Variants in MAN2A1 observed in about 807,000 individuals in gnomAD.
MAN2A1 encodes the protein alpha-mannosidase 2.
MAN2A1 carries 76 observed loss-of-function variants against 142.6 expected under a neutral mutation model. The observed-to-expected ratio is 0.53, with a 90% CI of 0.44 to 0.65. The LOEUF is 0.65. Among genes scored for constraint, MAN2A1 ranks in the 30% least tolerant of loss-of-function variants. The pLI, the probability that MAN2A1 is intolerant of heterozygous loss-of-function variation, is 0.00. For missense variants in MAN2A1, 1,311 were observed against 1,365.1 expected (o/e 0.96, Z 0.62); for synonymous variants, 559 against 473.2 (o/e 1.18, Z -2.35).
Position 109,845,947 on chromosome 5 carries a change from C to T in MAN2A1, c.2783C>T (p.Ala928Val), listed in dbSNP as rs138853184. The T allele has an allele frequency of 2.8e-4, 457 of 1,612,880 alleles. No homozygotes were observed. The highest frequency in any genetic ancestry group is 3.7e-4 in the Non-Finnish European group (432 of 1,179,078). The change falls in exon 18 of 22, where the codon GCC (alanine) becomes GTC (valine). Residue 928 changes from alanine to valine, a missense_variant. Transcript: ENST00000261483. ...PMTTMAYIQD[A>V]KHRLTLLSAQ... The stretch of plus-strand genomic sequence containing the variant: ...ACCACAATGGCCTATATCCAGGATG[C>T]CAAACATCGTTTGACACTGCTCTCT...
chr5:109,843,102 G>T (rs182156592), intron 17 of MAN2A1, among the ~76,000 whole-genome samples: 1 of 152,044 alleles, frequency 6.6e-6, no homozygotes, highest in African/African-American at 2.4e-5. Flanking sequence ...CACTGTGCCC[G>T]GTCTGTTTTT....
chr5:109,813,305 A>C (rs1349146484), intron 12 of MAN2A1, among the ~76,000 whole-genome samples: 1 of 152,264 alleles, frequency 6.6e-6, no homozygotes, highest in East Asian at 1.9e-4. Context: ...GATGCAACTA[A>C]GGGAATCTCC....
At chr5:109,738,499 G>A (rs1021718182) in intron 4 of MAN2A1, among the ~76,000 whole-genome samples, 1 of 151,966 alleles carries the variant, frequency 6.6e-6, no homozygotes, top group African/African-American at 2.4e-5. Context: ...TTTACTTGAA[G>A]GACAGTCAGC....
chr5:109,798,911 C>T (rs746224348), intron 12 of MAN2A1, among the ~76,000 whole-genome samples: 5 of 152,126 alleles, frequency 3.3e-5, no homozygotes, highest in Non-Finnish European at 7.4e-5. Flanking sequence ...TCAGGATGGT[C>T]TCTATCTCCT....
intron 12 of MAN2A1, among the ~76,000 whole-genome samples, chr5:109,791,583 G>A (rs1156888972): frequency 6.6e-6 from 1 of 151,672 alleles, no homozygotes; most frequent in Admixed American, 6.6e-5. Flanking sequence ...CACAGTTCCT[G>A]TTTGAGTAAC....
chr5:109,824,775 A>G (rs1274988356), intron 16 of MAN2A1, among the ~76,000 whole-genome samples: 1 of 152,168 alleles, frequency 6.6e-6, no homozygotes, highest in Non-Finnish European at 1.5e-5. Flanking sequence ...ATGTTCAGGG[A>G]ATCTCTTAAA....
In MAN2A1 at chr5:109,868,648, A is replaced by G. The variant is rs1755938719; in HGVS notation, c.*1650A>G. On this transcript the variant is annotated 3_prime_UTR_variant, in exon 22 of 22. Transcript: ENST00000261483. Reference sequence around the variant, plus strand: ...TAAATTCATAAACTCCTTCACCTTTAATAATTAAGGAAACAATACCAGTGT... The same window carrying G: ...TAAATTCATAAACTCCTTCACCTTTGATAATTAAGGAAACAATACCAGTGT... 6.6e-6 allele frequency: 1 copy of G among 152,166 alleles called. No homozygotes were observed. Among genetic ancestry groups the G allele is most frequent in the Non-Finnish European group, 1.5e-5 (1 of 68,026 alleles). The allele number at this position is 152,166 out of a possible 1,614,324, so 9.4% of individuals were successfully genotyped here.
chr5:109,791,165 T>C (rs1753728703), intron 12 of MAN2A1, among the ~76,000 whole-genome samples: 1 of 152,070 alleles, frequency 6.6e-6, no homozygotes, highest in South Asian at 2.1e-4. Context: ...TATCTTCCTA[T>C]TACTTCTTTA....
At chr5:109,702,315 T>TTTTGTGTGTG (rs1273188590) in intron 1 of MAN2A1, among the ~76,000 whole-genome samples, 1 of 144,034 alleles carries the variant, frequency 6.9e-6, no homozygotes. Context: ...AGAACATAAA[T>TTTTGTGTGTG]TGTGTGTGTG....
intron 20 of MAN2A1, 128 bp from the exon 21 acceptor site, chr5:109,864,908 G>C (rs1426077226): frequency 8.8e-6 from 6 of 683,298 alleles, no homozygotes; most frequent in African/African-American, 1.8e-5. Flanking sequence ...GAGGAGAAAT[G>C]AATTTGCCTA....
intron 4 of MAN2A1, among the ~76,000 whole-genome samples, chr5:109,751,413 A>AGGTTGATTCCGATCTTTGGT (rs1415441291): frequency 3.9e-5 from 6 of 152,068 alleles, no homozygotes; most frequent in Non-Finnish European, 5.9e-5. Context: ...ATCAACACTT[A>AGGTTGATTCCGATCTTTGGT]GGTTGATTCC....
At position 109,869,222 on chromosome 5, in the gene MAN2A1, G is replaced by T. The variant is rs996179869; in HGVS notation, c.*2224G>T. 6.6e-6 allele frequency: 1 copy of T among 152,170 alleles called. No individual in the cohort carries two copies. Among genetic ancestry groups the T allele is most frequent in the Non-Finnish European group, 1.5e-5 (1 of 68,028 alleles). 9.4% of individuals were successfully genotyped at this position (152,170 alleles called of 1,614,324 possible). A position where few individuals can be genotyped will look rare whatever the true frequency, so the allele number is the denominator to read the frequency against. ...ACTAAAAACCATACACTTCAGTTGT[G>T]ATCTCAGTGGCATATTTATTTGGTT... On this transcript the variant is annotated 3_prime_UTR_variant, in exon 22 of 22. Coordinates refer to ENST00000261483, the MANE Select transcript of MAN2A1 (RefSeq NM_002372.4).
chr5:109,821,972 C>A (rs547924894), intron 15 of MAN2A1, among the ~76,000 whole-genome samples: 1 of 151,966 alleles, frequency 6.6e-6, no homozygotes, highest in East Asian at 1.9e-4. Flanking sequence ...ACCTCAAGAT[C>A]AGTGAAATGT....
At chr5:109,734,665 A>G (rs560290039) in intron 4 of MAN2A1, among the ~76,000 whole-genome samples, 1 of 152,142 alleles carries the variant, frequency 6.6e-6, no homozygotes, top group African/African-American at 2.4e-5. Flanking sequence ...TTCAGTTTCC[A>G]TGTAGTTGAG....
intron 12 of MAN2A1, among the ~76,000 whole-genome samples, chr5:109,801,986 T>C (rs1410431899): frequency 6.6e-6 from 1 of 152,204 alleles, no homozygotes; most frequent in Non-Finnish European, 1.5e-5. Flanking sequence ...TGTGGGCCTA[T>C]GTTAAAATAT....
intron 16 of MAN2A1, among the ~76,000 whole-genome samples, chr5:109,829,567 T>G (rs1053954597): frequency 4.6e-5 from 7 of 152,330 alleles, no homozygotes; most frequent in African/African-American, 1.7e-4. Context: ...CATTTCCACC[T>G]CTTGGTAGCC....
At chr5:109,815,256 G>T (rs1460192399) in intron 12 of MAN2A1, among the ~76,000 whole-genome samples, 1 of 152,114 alleles carries the variant, frequency 6.6e-6, no homozygotes, top group Non-Finnish European at 1.5e-5. Flanking sequence ...GAGGGCTGTG[G>T]GAGGCTGCAA....
chr5:109,695,665 AT>A (rs1561463863), intron 1 of MAN2A1, among the ~76,000 whole-genome samples: 1 of 152,148 alleles, frequency 6.6e-6, no homozygotes, highest in African/African-American at 2.4e-5. Context: ...GCCTTATTGC[AT>A]TTTTTATCCC....
At chr5:109,804,168 CACA>C in intron 12 of MAN2A1, 3 of 987,210 alleles carry the variant, frequency 3.0e-6, no homozygotes, top group Non-Finnish European at 3.6e-6. Flanking sequence ...ATAAAGCGTG[CACA>C]ACAAGAGGAA....
Sources: gnomAD v4.1 joint callset for allele counts (sites outside exome capture counted in the v4.1 genomes callset) on GRCh38, gnomAD v4.1.1 for gene constraint, MANE v1.5 for transcripts, NCBI Gene and HGNC (gene_info 2026-07-23, HGNC 2026-07-21) for gene names.